Variants in AK9 observed in about 807,000 individuals in gnomAD.
AK9 encodes adenylate kinase 9.
Under a neutral mutation model 239.6 loss-of-function variants are expected in AK9, and 191 were observed. The ratio of observed to expected loss-of-function variants is 0.80; its 90% CI spans 0.71 to 0.90. The LOEUF is 0.90. Among genes scored for constraint, AK9 ranks in the 40% least tolerant of loss-of-function variants. The pLI is 0.00. For missense variants in AK9, 1,995 were observed against 2,214.7 expected (o/e 0.90, Z 1.99); for synonymous variants, 689 against 721.0 (o/e 0.96, Z 0.71).
In AK9 at chr6:109,495,344, C is replaced by T. The variant is rs1582703873; in HGVS notation, c.5412G>A (p.Leu1804=). ...LLTSLPLPGY[L]EQGIATSLIK... is the part of the protein sequence containing the mutation. ...GAAAATTAAGTAAAAGAACCTGTTC[C>T]AGATATCCAGGCAAAGGAAGACTAG... The change falls in exon 39 of 41, where the codon CTG becomes CTA. Residue 1804 remains leucine, a synonymous_variant. Coordinates refer to ENST00000424296, the MANE Select transcript of AK9 (RefSeq NM_001145128.3). 6 of 1,609,710 alleles carry T rather than the reference C, an allele frequency of 3.7e-6. No individual in the cohort carries two copies. Among genetic ancestry groups the T allele is most frequent in the African/African-American group, 1.3e-5 (1 of 74,826 alleles).
chr6:109,537,152 T>C (rs910168889), intron 27 of AK9, among the ~76,000 whole-genome samples: 1 of 152,216 alleles, frequency 6.6e-6, no homozygotes, highest in African/African-American at 2.4e-5. Context: ...TCTTTTTCTA[T>C]TGATTGGAAT....
chr6:109,521,401 T>C (rs1779850537), intron 29 of AK9, among the ~76,000 whole-genome samples: 1 of 152,060 alleles, frequency 6.6e-6, no homozygotes, highest in South Asian at 2.1e-4. Flanking sequence ...TTAAATATTA[T>C]CTCCAAATCT....
At chr6:109,632,654 G>A in intron 12 of AK9, 1 of 673,872 alleles carries the variant, frequency 1.5e-6, no homozygotes, top group Non-Finnish European at 2.0e-6. Flanking sequence ...ATAGGTGGCA[G>A]AGTCTGAATG....
Position 109,633,287 on chromosome 6 carries a change from T to C in AK9, c.970A>G (p.Ile324Val). ...CTTTGCCATCTGTATCTTGGTGCAA[T>C]AAGTTTATAAGATGCAAGAGTACGA... ...LFRTLASYKL[I>V]APRYRWQRSK... Residue 324 changes from isoleucine (I) to valine (V), a missense_variant, in exon 11 of 41, where the codon ATT (isoleucine) becomes GTT (valine). Coordinates refer to ENST00000424296, the MANE Select transcript of AK9 (RefSeq NM_001145128.3). The C allele has an allele frequency of 6.2e-7, 1 of 1,607,078 alleles. No homozygotes were observed. The highest frequency in any genetic ancestry group is 8.5e-7 in the Non-Finnish European group (1 of 1,178,806).
chr6:109,542,287 T>A, intron 26 of AK9, 116 bp from the exon 27 acceptor site: 1 of 986,312 alleles, frequency 1.0e-6, no homozygotes, highest in Non-Finnish European at 1.4e-6. Flanking sequence ...GAGAGTAGAA[T>A]GAAAGTTACC....
rs1203031274 is a variant in AK9 at position 109,493,188 on chromosome 6, A to G, written c.*181T>C. On this transcript the variant is annotated 3_prime_UTR_variant, in exon 41 of 41. Transcript: ENST00000424296. ...TAAAATTGTATTAAAACTTGTTTCC[A>G]TAAGAGTGCTCCTTCCTGGCTGGCA... 3 of 577,964 alleles carry G rather than the reference A, an allele frequency of 5.2e-6. No homozygotes were observed. Among genetic ancestry groups the G allele is most frequent in the Non-Finnish European group, 9.1e-6 (3 of 330,830 alleles). The allele number at this position is 577,964 out of a possible 1,614,324, so 35.8% of individuals were successfully genotyped here.
intron 29 of AK9, chr6:109,528,352 C>T: frequency 2.8e-6 from 1 of 359,080 alleles, no homozygotes; most frequent in Non-Finnish European, 5.5e-6. Flanking sequence ...GCTACGATTT[C>T]TGTAAGTTTT....
intron 12 of AK9, among the ~76,000 whole-genome samples, chr6:109,621,893 T>TAAAA (rs59405869): frequency 1.4e-4 from 8 of 55,510 alleles, no homozygotes; most frequent in African/African-American, 1.8e-4. Flanking sequence ...AAAGTATAAT[T>TAAAA]AAAAAAAAAA....
chr6:109,682,201 G>A lies in AK9; in HGVS notation c.-11-6445C>T, dbSNP rs182330614. ...AGCACTTTGGGAGGCCTAGGTGGGC[G>A]GATCACAAGGTCAGGAGATCAAGAC... On this transcript the variant is annotated intron_variant, in intron 1 of 40. Coordinates refer to ENST00000424296, the MANE Select transcript of AK9 (RefSeq NM_001145128.3). Among the ~76,000 whole-genome samples the A allele has an allele frequency of 7.9e-5, 12 of 152,114 alleles. No individual in the cohort carries two copies. The South Asian group carries it at 1.2e-3, about 16-fold the overall frequency.
At chr6:109,497,705 G>A (rs545753398) in intron 37 of AK9, 91 bp downstream of exon 37, 4 of 1,462,488 alleles carry the variant, frequency 2.7e-6, no homozygotes, top group East Asian at 2.3e-5. Context: ...AAACAACAGC[G>A]AACTTTTGAC....
intron 12 of AK9, among the ~76,000 whole-genome samples, chr6:109,625,507 T>C (rs186621534): frequency 2.6e-5 from 4 of 152,350 alleles, no homozygotes; most frequent in African/African-American, 9.6e-5. Context: ...CGATGAGCGT[T>C]ACTGCCTGAG....
chr6:109,562,809 A>G (rs1002133470), intron 24 of AK9, among the ~76,000 whole-genome samples: 1 of 152,096 alleles, frequency 6.6e-6, no homozygotes, highest in Non-Finnish European at 1.5e-5. Context: ...TGAGTATTAC[A>G]GCCGGCCTGA....
At chr6:109,512,100 C>T (rs559712301) in intron 32 of AK9, among the ~76,000 whole-genome samples, 3 of 152,090 alleles carry the variant, frequency 2.0e-5, no homozygotes, top group African/African-American at 7.2e-5. Flanking sequence ...CAGGAAGAGA[C>T]AGAAGGTCAG....
chr6:109,659,306 A>G lies in AK9; in HGVS notation c.552T>C (p.His184=). The part of the protein sequence containing the change: ...DQWDPEVIEN[H]RKKKKEAQKD... ...TTTGGGCTTCTTTCTTCTTTTTCCTATGATTCTCAATGACTTCAGGATCCC... is the reference window on the plus strand; with the variant it reads ...TTTGGGCTTCTTTCTTCTTTTTCCTGTGATTCTCAATGACTTCAGGATCCC... Residue 184 remains histidine, a synonymous_variant, in exon 7 of 41, where the codon CAT becomes CAC. Transcript: ENST00000424296. 1.9e-6 allele frequency: 3 copies of G among 1,605,080 alleles called. No homozygotes were observed. The highest frequency in any genetic ancestry group is 1.3e-5 in the African/African-American group (1 of 74,152).
intron 12 of AK9, chr6:109,631,579 T>C (rs1796092810): frequency 6.6e-6 from 1 of 152,196 alleles, no homozygotes; most frequent in African/African-American, 2.4e-5. Context: ...ATACTCCTGA[T>C]AGTATTGTGA....
At chr6:109,534,639 A>C (rs563942172) in intron 27 of AK9, among the ~76,000 whole-genome samples, 1 of 152,092 alleles carries the variant, frequency 6.6e-6, no homozygotes, top group East Asian at 1.9e-4. Flanking sequence ...TCTAGGGTAC[A>C]TGTGCACAAC....
At chr6:109,521,778 C>T (rs540813947) in intron 29 of AK9, among the ~76,000 whole-genome samples, 1 of 152,090 alleles carries the variant, frequency 6.6e-6, no homozygotes, top group African/African-American at 2.4e-5. Flanking sequence ...AGTATCAAGA[C>T]CAAGCATCAT....
At chr6:109,665,560 CAT>C (rs1470251937) in intron 5 of AK9, among the ~76,000 whole-genome samples, 1 of 152,158 alleles carries the variant, frequency 6.6e-6, no homozygotes, top group Non-Finnish European at 1.5e-5. Context: ...TGATTAACAA[CAT>C]GTTTGAACTG....
At chr6:109,521,134 C>T (rs1779819896) in intron 29 of AK9, among the ~76,000 whole-genome samples, 1 of 152,040 alleles carries the variant, frequency 6.6e-6, no homozygotes, top group Non-Finnish European at 1.5e-5. Flanking sequence ...TTAACAGCCA[C>T]ATAGTATTTC....
Sources: allele counts gnomAD v4.1 joint callset (sites outside exome capture counted in the v4.1 genomes callset), GRCh38; gene constraint gnomAD v4.1.1; transcripts MANE v1.5; gene names NCBI Gene and HGNC (gene_info 2026-07-23, HGNC 2026-07-21).